The following HMGXB3 variants were observed in gnomAD, a reference collection of about 807,000 sequenced individuals.
The protein encoded by HMGXB3 is HMG-box containing 3.
HMGXB3 carries 45 observed loss-of-function variants against 121.5 expected under a neutral mutation model. The ratio of observed to expected loss-of-function variants is 0.37; its 90% CI spans 0.29 to 0.47. HMGXB3 has a LOEUF of 0.47. HMGXB3 is among the 20% of genes least tolerant of loss of function. The probability of loss-of-function intolerance (pLI) is 0.99; values close to 1 mark genes in which losing one functional copy is unlikely to be tolerated. For missense variants in HMGXB3, 1,376 were observed against 1,602.2 expected, an observed-to-expected ratio of 0.86 and a Z score of 2.41; for synonymous variants, 590 against 624.1, an observed-to-expected ratio of 0.95 and a Z score of 0.81.
At chr5:150,011,734 G>C (rs1333573538) in intron 4 of HMGXB3, among the ~76,000 whole-genome samples, 2 of 151,228 alleles carry the variant, frequency 1.3e-5, no homozygotes, top group Non-Finnish European at 2.9e-5. Flanking sequence ...CCTCCAAGTA[G>C]CTGGGATTAC....
rs1756732853 is a variant in HMGXB3 at position 150,045,369 on chromosome 5, C to T, written c.2731-97C>T. 2.9e-6 allele frequency: 3 copies of T among 1,033,484 alleles called. No homozygotes were observed. In the Admixed American group the frequency reaches 6.2e-5, roughly 21 times the overall value. The allele number at this position is 1,033,484 out of a possible 1,614,324, so 64.0% of individuals were successfully genotyped here. A position where few individuals can be genotyped will look rare whatever the true frequency, so the allele number is the denominator to read the frequency against. ...GGCTGTCTGACTTCCCTTCACCAAG[C>T]CTTGGCTTCCCTGTGTGTATAATGA... On this transcript the variant is annotated intron_variant, in intron 15 of 19. Coordinates refer to ENST00000502717, the MANE Select transcript of HMGXB3 (RefSeq NM_014983.3).
chr5:150,035,934 C>T (rs115349680), intron 11 of HMGXB3, among the ~76,000 whole-genome samples: 1 of 151,784 alleles, frequency 6.6e-6, no homozygotes, highest in Non-Finnish European at 1.5e-5. Context: ...ATTCATAGAG[C>T]CTTCATTGCA....
intron 10 of HMGXB3, among the ~76,000 whole-genome samples, chr5:150,031,659 A>C (rs544693666): frequency 6.6e-6 from 1 of 152,356 alleles, no homozygotes; most frequent in South Asian, 2.1e-4. Flanking sequence ...AGATGAACAG[A>C]TTTTGAGAGA....
chr5:150,024,301 G>A lies in HMGXB3; in HGVS notation c.1081G>A (p.Val361Ile), dbSNP rs375165291. 70 of 1,545,566 alleles carry A rather than the reference G, an allele frequency of 4.5e-5. No homozygotes were observed. Among genetic ancestry groups the A allele is most frequent in the East Asian group, 3.4e-4 (14 of 40,912 alleles). ...AGTAAAAGTGGAATTGGCTTCTGGC[G>A]TCTCTTCCAAAGGCTCTGTGGTGAA... ...AKVKVELASGVSSKGSVVKRN... is the reference protein window; with the variant it reads ...AKVKVELASGISSKGSVVKRN... Residue 361 changes from valine (V) to isoleucine (I), a missense_variant, in exon 7 of 20, where the codon GTC becomes ATC. Physicochemically the swap from Val to Ile is conservative, Grantham distance 29 (BLOSUM62 3). Coordinates refer to ENST00000502717, the MANE Select transcript of HMGXB3 (RefSeq NM_014983.3).
intron 1 of HMGXB3, among the ~76,000 whole-genome samples, chr5:150,002,205 A>G (rs1358267947): frequency 1.3e-5 from 2 of 152,162 alleles, no homozygotes; most frequent in African/African-American, 4.8e-5. Context: ...TATAGGTGAA[A>G]TACAGTGTGT....
chr5:150,039,792 A>G (rs963414999), intron 13 of HMGXB3, among the ~76,000 whole-genome samples: 2 of 152,222 alleles, frequency 1.3e-5, no homozygotes, highest in Admixed American at 1.3e-4. Flanking sequence ...GTATGGGACC[A>G]GAGCTTTGCT....
intron 5 of HMGXB3, among the ~76,000 whole-genome samples, chr5:150,018,299 A>G (rs17655812): frequency 0.11 from 17,147 of 152,260 alleles, 1,233 homozygotes; most frequent in Non-Finnish European, 0.16. Context: ...GCCTAGCTCA[A>G]TGCATAGCAA....
At chr5:150,002,900 T>C (rs896529685) in intron 1 of HMGXB3, among the ~76,000 whole-genome samples, 5 of 152,204 alleles carry the variant, frequency 3.3e-5, no homozygotes, top group African/African-American at 1.2e-4. Context: ...CCCAGCACTT[T>C]GGGAGGCCAA....
intron 11 of HMGXB3, among the ~76,000 whole-genome samples, chr5:150,034,049 T>G (rs1017442883): frequency 2.6e-5 from 4 of 152,126 alleles, no homozygotes; most frequent in Non-Finnish European, 5.9e-5. Context: ...TCTGGGCATT[T>G]TACTCTTAAG....
At chr5:150,015,748 A>G (rs115556306) in intron 5 of HMGXB3, among the ~76,000 whole-genome samples, 1 of 152,352 alleles carries the variant, frequency 6.6e-6, no homozygotes, top group African/African-American at 2.4e-5. Context: ...TTAGAAGCGT[A>G]TTATTTACTC....
At chr5:150,036,215 T>C (rs2113753689) in intron 11 of HMGXB3, among the ~76,000 whole-genome samples, 1 of 152,370 alleles carries the variant, frequency 6.6e-6, no homozygotes, top group Non-Finnish European at 1.5e-5. Flanking sequence ...TCCTCTCATT[T>C]ACTGATACAG....
chr5:150,048,096 G>A (rs549963248), intron 17 of HMGXB3, among the ~76,000 whole-genome samples: 1 of 152,344 alleles, frequency 6.6e-6, no homozygotes, highest in Middle Eastern at 3.4e-3. Flanking sequence ...AACCTTGTGA[G>A]ATTGTTGTAA....
At chr5:150,026,516 T>A (rs1581255885) in intron 7 of HMGXB3, among the ~76,000 whole-genome samples, 190 bp from the exon 8 acceptor site, 1 of 152,358 alleles carries the variant, frequency 6.6e-6, no homozygotes, top group East Asian at 1.9e-4. Flanking sequence ...AAACTTGAAG[T>A]TAACAGAAGA....
In HMGXB3 at chr5:150,018,261, A is replaced by G. The variant is rs147402793; in HGVS notation, c.910-305A>G. Among the ~76,000 whole-genome samples, 509 of 152,344 alleles carry G rather than the reference A, an allele frequency of 3.3e-3. 9 individuals are homozygous for G. The highest frequency in any genetic ancestry group is 0.011 in the African/African-American group (467 of 41,582). The stretch of plus-strand genomic sequence containing the variant: ...GATTGCTGAGAGTATTAAATGAAAT[A>G]TTGGTAAAGTGTTTAGCATTGTGTG... On this transcript the variant is annotated intron_variant, in intron 5 of 19. Transcript: ENST00000502717.
chr5:150,050,593 T>G (rs1756867543), intron 19 of HMGXB3, 132 bp downstream of exon 19: 1 of 660,630 alleles, frequency 1.5e-6, no homozygotes, highest in Admixed American at 2.6e-5. Flanking sequence ...GCAGTTCTCG[T>G]GCCTCAGCCT....
chr5:150,023,432 A>G (rs770091361), intron 6 of HMGXB3, among the ~76,000 whole-genome samples: 14 of 152,224 alleles, frequency 9.2e-5, no homozygotes, highest in Non-Finnish European at 2.1e-4. Flanking sequence ...TAAGCTTGAT[A>G]GAACCCAGCC....
intron 19 of HMGXB3, among the ~76,000 whole-genome samples, chr5:150,050,694 C>T (rs1209031953): frequency 2.0e-5 from 3 of 152,154 alleles, no homozygotes; most frequent in Admixed American, 6.5e-5. Flanking sequence ...TTGCCCAGGC[C>T]GTTCTCAAAC....
intron 1 of HMGXB3, among the ~76,000 whole-genome samples, chr5:150,003,115 C>T (rs1158928283): frequency 1.3e-5 from 2 of 152,074 alleles, no homozygotes; most frequent in Non-Finnish European, 2.9e-5. Context: ...TGCACTGCAG[C>T]CCAGGGGACA....
At position 150,010,179 on chromosome 5, in the gene HMGXB3, C is replaced by T; in HGVS notation, c.381C>T (p.Arg127=). 3 of 1,551,812 alleles carry T rather than the reference C, an allele frequency of 1.9e-6. No individual in the cohort carries two copies. Among genetic ancestry groups the T allele is most frequent in the South Asian group, 1.2e-5 (1 of 84,058 alleles). Residue 127 remains arginine (R), a synonymous_variant, in exon 4 of 20, where the codon CGC becomes CGT. Transcript: ENST00000502717. ...CAGGTTTCCGCAAGATCCTCCCACG[C>T]TCAGATTATATCATCATCCCCAAGA... ...DIPGFRKILP[R]SDYIIIPKSS...
Sources: gnomAD v4.1 joint callset for allele counts (sites outside exome capture counted in the v4.1 genomes callset) on GRCh38, gnomAD v4.1.1 for gene constraint, MANE v1.5 for transcripts, NCBI Gene and HGNC (gene_info 2026-07-23, HGNC 2026-07-21) for gene names.